The following ODAD2 variants were observed in gnomAD, a reference collection of about 807,000 sequenced individuals.
ODAD2 encodes outer dynein arm-docking complex subunit 2.
Under a neutral mutation model 106.8 loss-of-function variants are expected in ODAD2, and 89 were observed. The ratio of observed to expected loss-of-function variants is 0.83; its 90% CI spans 0.70 to 0.99. The LOEUF is 0.99. Ranked by LOEUF, ODAD2 falls within the 50% of genes least tolerant of loss-of-function variation. The pLI, the probability that ODAD2 is intolerant of heterozygous loss-of-function variation, is 0.00. For synonymous variants in ODAD2, 404 were observed against 436.2 expected, an observed-to-expected ratio of 0.93 and a Z score of 0.92; for missense variants, 1,168 against 1,238.5, an observed-to-expected ratio of 0.94 and a Z score of 0.85.
At chr10:27,846,196 A>G (rs1320882205) in intron 19 of ODAD2, among the ~76,000 whole-genome samples, 1 of 152,220 alleles carries the variant, frequency 6.6e-6, no homozygotes, top group Non-Finnish European at 1.5e-5. Context: ...CAGCAAATGT[A>G]AAAGAACAGA....
At chr10:27,938,613 T>C (rs76179850) in intron 14 of ODAD2, among the ~76,000 whole-genome samples, 2 of 151,672 alleles carry the variant, frequency 1.3e-5, no homozygotes, top group East Asian at 1.9e-4. Context: ...TCTTTTTTTT[T>C]TCTCTTCTGA....
At chr10:27,843,463 A>G (rs1838464514) in intron 19 of ODAD2, among the ~76,000 whole-genome samples, 1 of 152,176 alleles carries the variant, frequency 6.6e-6, no homozygotes, top group Non-Finnish European at 1.5e-5. Flanking sequence ...CTGAGAGGTA[A>G]CTGTAAAACT....
At chr10:27,830,699 A>G (rs1837407869) in intron 19 of ODAD2, among the ~76,000 whole-genome samples, 1 of 152,198 alleles carries the variant, frequency 6.6e-6, no homozygotes, top group Admixed American at 6.5e-5. Context: ...TCCCTGGAGC[A>G]CTGGAGTGGA....
intron 19 of ODAD2, among the ~76,000 whole-genome samples, chr10:27,833,938 C>T (rs560793286): frequency 1.3e-5 from 2 of 152,348 alleles, no homozygotes; most frequent in African/African-American, 4.8e-5. Flanking sequence ...ATTGGGAGAA[C>T]ATTCCAAGCC....
intron 17 of ODAD2, among the ~76,000 whole-genome samples, chr10:27,899,122 T>C (rs1445427549): frequency 6.6e-6 from 1 of 151,752 alleles, no homozygotes; most frequent in Admixed American, 6.6e-5. Flanking sequence ...TCTCATCTCA[T>C]TGGGACTTGT....
intron 17 of ODAD2, among the ~76,000 whole-genome samples, chr10:27,903,039 G>A (rs111293535): frequency 7.9e-5 from 12 of 152,056 alleles, no homozygotes; most frequent in Non-Finnish European, 1.8e-4. Context: ...ACATCGATGC[G>A]AAAATCCTCA....
chr10:27,924,025 G>GAAAGAAAGAAAGAAAGAAA (rs1564509522), intron 16 of ODAD2, among the ~76,000 whole-genome samples: 5 of 59,924 alleles, frequency 8.3e-5, no homozygotes, highest in Non-Finnish European at 1.7e-4. Flanking sequence ...AAAGAAAGAA[G>GAAAGAAAGAAAGAAAGAAA]GAAAGAGAAA....
At chr10:27,977,380 C>T (rs1416258526) in intron 7 of ODAD2, among the ~76,000 whole-genome samples, 14 of 148,306 alleles carry the variant, frequency 9.4e-5, no homozygotes, top group African/African-American at 3.2e-4. Flanking sequence ...CTGGCTAACA[C>T]GGTGAAACCC....
intron 17 of ODAD2, among the ~76,000 whole-genome samples, chr10:27,873,334 GT>G (rs1474474380): frequency 4.0e-5 from 5 of 124,110 alleles, no homozygotes; most frequent in Non-Finnish European, 6.7e-5. Context: ...TTTTTGAAGG[GT>G]TTTTTGTGTC....
At chr10:27,942,180 T>G (rs935950055) in intron 12 of ODAD2, among the ~76,000 whole-genome samples, 1 of 152,216 alleles carries the variant, frequency 6.6e-6, no homozygotes, top group African/African-American at 2.4e-5. Flanking sequence ...TAGCAGGTGC[T>G]CCTCACAATC....
chr10:27,943,725 G>A (rs1354413117), intron 12 of ODAD2, among the ~76,000 whole-genome samples: 1 of 144,708 alleles, frequency 6.9e-6, no homozygotes, highest in Non-Finnish European at 1.5e-5. Context: ...AACCCCGTAG[G>A]CGGAGGTTGC....
At chr10:27,964,254 A>T (rs959298629) in intron 9 of ODAD2, among the ~76,000 whole-genome samples, 2 of 152,142 alleles carry the variant, frequency 1.3e-5, no homozygotes, top group African/African-American at 4.8e-5. Context: ...ACAAAACTCC[A>T]TGGTTAGTGA....
chr10:27,998,546 T>C (rs1203761831), intron 1 of ODAD2, among the ~76,000 whole-genome samples: 2 of 147,984 alleles, frequency 1.4e-5, no homozygotes, highest in Admixed American at 1.3e-4. Context: ...GGGGCCGAGG[T>C]AGTGCAGAGA....
rs112483026 is a variant in ODAD2, at chr10:27,935,234, G to C, written c.2271C>G (p.Ala757=). The change falls in exon 16 of 20, where the codon GCC becomes GCG. Residue 757 remains alanine (A), a synonymous_variant. Transcript: ENST00000305242. ...ENVTKFREYK[A]IETLVGLLTD... is the part of the protein sequence containing the mutation. ...TTAGAAGTCCCACCAAGGTTTCAAT[G>C]GCTTTGTATTCCCGAAACCTAAGTT... 4.8e-5 allele frequency: 77 copies of C among 1,613,830 alleles called. No individual in the cohort carries two copies. Among genetic ancestry groups the C allele is most frequent in the African/African-American group, 2.5e-4 (19 of 75,006 alleles).
intron 14 of ODAD2, among the ~76,000 whole-genome samples, chr10:27,938,798 C>A (rs1349458641): frequency 1.3e-5 from 2 of 151,986 alleles, no homozygotes; most frequent in African/African-American, 4.8e-5. Context: ...CGGGGTTGCA[C>A]CATGTTGGCC....
chr10:27,981,602 T>G lies in ODAD2; in HGVS notation c.820-20A>C. ...TTTGCCCTTTGGGAAAAAACAAGTTTCATTCTATGATTAACATAAGAACAA... is the reference window on the plus strand; with the variant it reads ...TTTGCCCTTTGGGAAAAAACAAGTTGCATTCTATGATTAACATAAGAACAA... On this transcript the variant is annotated intron_variant, in intron 6 of 19. Transcript: ENST00000305242. The G allele has an allele frequency of 6.9e-7, 1 of 1,452,776 alleles. No homozygotes were observed. 90.0% of individuals were successfully genotyped at this position (1,452,776 alleles called of 1,614,324 possible). A position where few individuals can be genotyped will look rare whatever the true frequency, so the allele number is the denominator to read the frequency against.
chr10:27,947,410 A>G (rs1385834422), intron 10 of ODAD2, among the ~76,000 whole-genome samples: 1 of 152,164 alleles, frequency 6.6e-6, no homozygotes, highest in Non-Finnish European at 1.5e-5. Flanking sequence ...GGCTGCAGTG[A>G]GCTATGATCA....
chr10:27,894,830 T>C (rs1016480334), intron 17 of ODAD2, among the ~76,000 whole-genome samples: 1 of 152,122 alleles, frequency 6.6e-6, no homozygotes, highest in African/African-American at 2.4e-5. Context: ...CCTCTCAAGT[T>C]CTGGGGTCAC....
intron 16 of ODAD2, among the ~76,000 whole-genome samples, chr10:27,909,143 C>G (rs1843807043): frequency 6.6e-6 from 1 of 152,086 alleles, no homozygotes; most frequent in Non-Finnish European, 1.5e-5. Flanking sequence ...AATCTCTGAG[C>G]CTCTATTTTT....
Sources: gnomAD v4.1 joint callset for allele counts (sites outside exome capture counted in the v4.1 genomes callset) on GRCh38, gnomAD v4.1.1 for gene constraint, MANE v1.5 for transcripts, NCBI Gene and HGNC (gene_info 2026-07-23, HGNC 2026-07-21) for gene names.